MACROD2: variants seen among roughly 807,000 people sequenced by gnomAD.
MACROD2 encodes mono-ADP ribosylhydrolase 2.
In MACROD2, 36 loss-of-function variants were observed where a neutral mutation model predicts 70.4. The observed-to-expected ratio is 0.51, with a 90% confidence interval of 0.39 to 0.68. The LOEUF (loss-of-function observed/expected upper bound fraction) is 0.68, where lower values mean the gene tolerates loss of function less well. MACROD2 is among the 30% of genes least tolerant of loss of function. The probability of loss-of-function intolerance (pLI) is 0.00; values close to 1 mark genes in which losing one functional copy is unlikely to be tolerated. For synonymous variants in MACROD2, 172 were observed against 178.8 expected (o/e 0.96, Z 0.30); for missense variants, 496 against 538.4 (o/e 0.92, Z 0.78).
chr20:15,859,046 G>T (rs576799809), intron 8 of MACROD2, among the ~76,000 whole-genome samples: 1 of 152,124 alleles, frequency 6.6e-6, no homozygotes, highest in Non-Finnish European at 1.5e-5. Flanking sequence ...CACATATTTT[G>T]TATGTTATAT....
At chr20:15,054,846 T>C (rs7267760) in intron 5 of MACROD2, among the ~76,000 whole-genome samples, 28,657 of 152,098 alleles carry the variant, frequency 0.19, 2,878 homozygotes, top group African/African-American at 0.23. Flanking sequence ...TGCAATGGCA[T>C]GATCTCCGCT....
At chr20:15,449,333 C>T (rs775050610) in intron 7 of MACROD2, among the ~76,000 whole-genome samples, 16 of 152,044 alleles carry the variant, frequency 1.1e-4, no homozygotes, top group Non-Finnish European at 1.6e-4. Context: ...AGCATCTGAA[C>T]GCTTATGTAG....
rs77801045 is a variant in MACROD2, at chr20:14,089,311, G to A, written c.271+3583G>A. Among the ~76,000 whole-genome samples the A allele has an allele frequency of 6.8e-4, 103 of 152,246 alleles. 1 individual carries two copies. The East Asian group carries it at 0.018, about 26-fold the overall frequency. ...TTTGTTTGCCTGGTGTGGAAGGAGT[G>A]GAACAGCTGTTAACTTTTCAGGTGA... On this transcript the variant is annotated intron_variant, in intron 3 of 17. Coordinates refer to ENST00000684519, the MANE Select transcript of MACROD2 (RefSeq NM_001351661.2).
At chr20:14,736,173 A>C (rs6079547) in intron 5 of MACROD2, among the ~76,000 whole-genome samples, 3 of 151,996 alleles carry the variant, frequency 2.0e-5, no homozygotes, top group Non-Finnish European at 4.4e-5. Flanking sequence ...GCACTAACAC[A>C]TGCAACAATG....
At chr20:15,457,003 G>A (rs901706548) in intron 7 of MACROD2, among the ~76,000 whole-genome samples, 3 of 150,200 alleles carry the variant, frequency 2.0e-5, no homozygotes, top group African/African-American at 7.4e-5. Flanking sequence ...GCTAGCACCT[G>A]CAAAGACTGA....
intron 5 of MACROD2, among the ~76,000 whole-genome samples, chr20:14,764,108 C>A (rs566366851): frequency 2.6e-5 from 4 of 152,028 alleles, no homozygotes; most frequent in Non-Finnish European, 5.9e-5. Context: ...TACCCGACTC[C>A]CTTGCCATTT....
At chr20:14,927,768 G>A (rs2074251305) in intron 5 of MACROD2, among the ~76,000 whole-genome samples, 1 of 152,174 alleles carries the variant, frequency 6.6e-6, no homozygotes, top group South Asian at 2.1e-4. Flanking sequence ...TGTTACAGGT[G>A]TTTACTCCTC....
intron 8 of MACROD2, among the ~76,000 whole-genome samples, chr20:15,638,040 T>TA (rs984757100): frequency 6.6e-5 from 10 of 152,306 alleles, no homozygotes; most frequent in African/African-American, 2.2e-4. Flanking sequence ...AATTTTTTTT[T>TA]ACGAGGCTTG....
At chr20:15,837,860 T>C (rs978147932) in intron 8 of MACROD2, among the ~76,000 whole-genome samples, 4 of 152,172 alleles carry the variant, frequency 2.6e-5, no homozygotes, top group Non-Finnish European at 5.9e-5. Context: ...AATTTGAATC[T>C]CATGCAACTT....
intron 5 of MACROD2, among the ~76,000 whole-genome samples, chr20:15,122,833 C>T (rs1244575582): frequency 6.6e-6 from 1 of 152,112 alleles, no homozygotes; most frequent in African/African-American, 2.4e-5. Context: ...CAAAGACACA[C>T]TTGAGGTTTA....
chr20:14,739,327 A>T (rs891310935), intron 5 of MACROD2, among the ~76,000 whole-genome samples: 1 of 152,032 alleles, frequency 6.6e-6, no homozygotes, highest in Non-Finnish European at 1.5e-5. Flanking sequence ...TGTATGATGT[A>T]TATTGTATGC....
intron 4 of MACROD2, among the ~76,000 whole-genome samples, chr20:14,647,470 A>G (rs745413037): frequency 6.6e-6 from 1 of 152,176 alleles, no homozygotes; most frequent in East Asian, 1.9e-4. Context: ...ATACTAACTG[A>G]GCACATATTT....
At chr20:15,943,854 AT>A (rs1327206545) in intron 12 of MACROD2, among the ~76,000 whole-genome samples, 2 of 152,112 alleles carry the variant, frequency 1.3e-5, no homozygotes, top group Admixed American at 1.3e-4. Context: ...ATTGTAAAAT[AT>A]TTTTTAATGT....
rs77087439 is a variant in MACROD2, at chr20:14,822,691, C to T, written c.418+137732C>T. 1.9e-3 allele frequency among the ~76,000 whole-genome samples: 296 copies of T among 152,182 alleles called. 10 individuals carry two copies. In the East Asian group the frequency reaches 0.051, roughly 26 times the overall value. On this transcript the variant is annotated intron_variant, in intron 5 of 17. Coordinates refer to ENST00000684519, the MANE Select transcript of MACROD2 (RefSeq NM_001351661.2). ...AGTTTGAGATTTCAGTTATAAAACA[C>T]GCTCTTTTCAGTCATTGAAAAAATA...
chr20:15,846,269 G>A (rs1600988110), intron 8 of MACROD2, among the ~76,000 whole-genome samples: 1 of 152,142 alleles, frequency 6.6e-6, no homozygotes, highest in Admixed American at 6.5e-5. Flanking sequence ...TTCAGCCTTC[G>A]AGGATACTTC....
chr20:15,902,174 A>C (rs572815457), intron 10 of MACROD2, among the ~76,000 whole-genome samples: 1 of 152,286 alleles, frequency 6.6e-6, no homozygotes, highest in South Asian at 2.1e-4. Context: ...TCCTCCAACC[A>C]CATCAGCATA....
At chr20:14,637,998 A>T (rs1413614371) in intron 4 of MACROD2, among the ~76,000 whole-genome samples, 1 of 152,066 alleles carries the variant, frequency 6.6e-6, no homozygotes, top group Non-Finnish European at 1.5e-5. Flanking sequence ...TCATTTCTGA[A>T]GTCTGAATTA....
intron 8 of MACROD2, among the ~76,000 whole-genome samples, chr20:15,747,943 G>C (rs1001566882): frequency 2.0e-5 from 3 of 151,916 alleles, no homozygotes; most frequent in African/African-American, 7.3e-5. Flanking sequence ...TTTAAATTCT[G>C]CTATCCTGTT....
In MACROD2 at chr20:14,246,371, T is replaced by C. The variant is rs1358951717; in HGVS notation, c.271+160643T>C. Among the ~76,000 whole-genome samples the C allele has an allele frequency of 3.3e-5, 5 of 152,206 alleles. No homozygotes were observed. The East Asian group carries it at 9.6e-4, about 29-fold the overall frequency. On this transcript the variant is annotated intron_variant, in intron 3 of 17. Coordinates refer to ENST00000684519, the MANE Select transcript of MACROD2 (RefSeq NM_001351661.2). ...AGTATTAGATCAGGATAATACGGGA[T>C]GAAATCCTCCCAAAATAAATCATGC...
Sources: allele counts gnomAD v4.1 joint callset (sites outside exome capture counted in the v4.1 genomes callset), GRCh38; gene constraint gnomAD v4.1.1; transcripts MANE v1.5; gene names NCBI Gene and HGNC (gene_info 2026-07-23, HGNC 2026-07-21).